PIBF1: variants seen among roughly 807,000 people sequenced by gnomAD.
PIBF1 encodes progesterone-induced-blocking factor 1.
A neutral mutation model predicts 112.5 loss-of-function variants in PIBF1; 90 were observed. The ratio of observed to expected loss-of-function variants is 0.80; its 90% confidence interval spans 0.67 to 0.95. The LOEUF (loss-of-function observed/expected upper bound fraction) is 0.95, where lower values mean the gene tolerates loss of function less well. Among genes scored for constraint, PIBF1 ranks in the 40% least tolerant of loss-of-function variants. The pLI, the probability that PIBF1 is intolerant of heterozygous loss-of-function variation, is 0.00. For synonymous variants in PIBF1, 301 were observed against 288.6 expected (o/e 1.04, Z -0.44); for missense variants, 915 against 852.3 (o/e 1.07, Z -0.92).
At chr13:72,962,462 G>T (rs1355044477) in intron 14 of PIBF1, among the ~76,000 whole-genome samples, 1 of 152,036 alleles carries the variant, frequency 6.6e-6, no homozygotes, top group East Asian at 1.9e-4. Flanking sequence ...AGCCGGGCAT[G>T]GTGGCTCATG....
At chr13:72,900,407 A>G (rs1254837632) in intron 11 of PIBF1, among the ~76,000 whole-genome samples, 3 of 152,220 alleles carry the variant, frequency 2.0e-5, no homozygotes, top group Admixed American at 6.5e-5. Flanking sequence ...AAATAGGCAC[A>G]TAGACCAATG....
chr13:72,825,216 G>A (rs1344143364), intron 6 of PIBF1, among the ~76,000 whole-genome samples: 1 of 152,130 alleles, frequency 6.6e-6, no homozygotes, highest in Non-Finnish European at 1.5e-5. Context: ...TTGGGAGACA[G>A]TTGACAAAAT....
Position 72,795,574 on chromosome 13 carries a change from T to A in PIBF1, c.552+17T>A. 1 of 1,375,930 alleles carries A rather than the reference T, an allele frequency of 7.3e-7. No individual in the cohort carries two copies. Among genetic ancestry groups the A allele is most frequent in the Non-Finnish European group, 1.0e-6 (1 of 985,050 alleles). 85.2% of individuals were successfully genotyped at this position (1,375,930 alleles called of 1,614,324 possible). On this transcript the variant is annotated intron_variant, in intron 4 of 17. Coordinates refer to ENST00000326291, the MANE Select transcript of PIBF1 (RefSeq NM_006346.4). ...TATGTATCTGTAAGTATCTTATATC[T>A]ATTTTTAACTATGACATATATTTTC... is the stretch of plus-strand genomic sequence containing the variant.
At chr13:72,934,691 C>G (rs1031627442) in intron 14 of PIBF1, among the ~76,000 whole-genome samples, 1 of 151,958 alleles carries the variant, frequency 6.6e-6, no homozygotes, top group Non-Finnish European at 1.5e-5. Flanking sequence ...CTAAGTAATA[C>G]CCAAAATAAA....
At chr13:72,823,845 T>C (rs906214384) in intron 6 of PIBF1, among the ~76,000 whole-genome samples, 3 of 152,158 alleles carry the variant, frequency 2.0e-5, no homozygotes, top group Admixed American at 1.3e-4. Context: ...TTGCCTCAGC[T>C]CTTTGTCTAA....
chr13:72,809,881 G>A (rs139858362), intron 5 of PIBF1, among the ~76,000 whole-genome samples: 2 of 152,076 alleles, frequency 1.3e-5, no homozygotes. Flanking sequence ...GAGCCACTGC[G>A]CTTGGCCAGA....
At position 72,987,848 on chromosome 13, in the gene PIBF1, TTATTTATTTA is replaced by T. The variant is rs1289998844; in HGVS notation, c.2050-10972_2050-10963del. On this transcript the variant is annotated intron_variant, in intron 16 of 17. Coordinates refer to ENST00000326291, the MANE Select transcript of PIBF1 (RefSeq NM_006346.4). ...TTTTTATTTTTTGTAATTTATTTATTTATTTATTTATTTTTTTTTTTTTTTTTTTTTTTGA... is the reference window on the plus strand; with the variant it reads ...TTTTTATTTTTTGTAATTTATTTATTTTTTTTTTTTTTTTTTTTTTTTTGA... 4.3e-3 allele frequency among the ~76,000 whole-genome samples: 373 copies of T among 87,338 alleles called. 12 individuals are homozygous for T. Among genetic ancestry groups the T allele is most frequent in the Admixed American group, 6.7e-3 (42 of 6,292 alleles). The allele number at this position is 87,338 out of a possible 152,430, so 57.3% of individuals were successfully genotyped here.
At chr13:72,820,483 G>A (rs181792926) in intron 5 of PIBF1, among the ~76,000 whole-genome samples, 25 of 152,232 alleles carry the variant, frequency 1.6e-4, no homozygotes, top group Admixed American at 1.4e-3. Context: ...AAACTTCAGC[G>A]TAGAACAAGA....
intron 14 of PIBF1, among the ~76,000 whole-genome samples, chr13:72,940,313 T>A (rs887720944): frequency 1.3e-5 from 2 of 152,246 alleles, no homozygotes; most frequent in South Asian, 2.1e-4. Context: ...TCAATCCAGT[T>A]TTTATCTCAG....
chr13:72,942,456 GT>G (rs2042039526), intron 14 of PIBF1, among the ~76,000 whole-genome samples: 1 of 151,890 alleles, frequency 6.6e-6, no homozygotes, highest in South Asian at 2.1e-4. Flanking sequence ...TTTTTCTTCT[GT>G]TTCAATGCCG....
chr13:73,008,195 C>T (rs1046119259), intron 17 of PIBF1, among the ~76,000 whole-genome samples: 1 of 152,050 alleles, frequency 6.6e-6, no homozygotes, highest in Non-Finnish European at 1.5e-5. Context: ...GTTCACCAAT[C>T]GAAGGATTGA....
At chr13:72,962,433 T>TA (rs948671169) in intron 14 of PIBF1, among the ~76,000 whole-genome samples, 1 of 151,850 alleles carries the variant, frequency 6.6e-6, no homozygotes, top group Non-Finnish European at 1.5e-5. Flanking sequence ...TCTGTCTCTA[T>TA]AAAAAATAAA....
At chr13:72,900,306 G>A (rs150781089) in intron 11 of PIBF1, among the ~76,000 whole-genome samples, 5,174 of 152,164 alleles carry the variant, frequency 0.034, 160 homozygotes, top group African/African-American at 0.079. Flanking sequence ...GCAAGACTAA[G>A]CAAAAAGAAC....
intron 17 of PIBF1, among the ~76,000 whole-genome samples, chr13:73,007,130 G>C (rs929338999): frequency 1.2e-4 from 18 of 151,404 alleles, no homozygotes; most frequent in Admixed American, 6.6e-5. Context: ...TCAGTTAAAT[G>C]GTTAATCCCA....
intron 9 of PIBF1, among the ~76,000 whole-genome samples, chr13:72,848,622 G>A (rs1157228460): frequency 2.0e-5 from 3 of 152,086 alleles, no homozygotes; most frequent in East Asian, 1.9e-4. Context: ...GAGGCGGGCG[G>A]ATCACGAGGT....
chr13:72,875,844 G>A (rs749391686), intron 10 of PIBF1, among the ~76,000 whole-genome samples: 94 of 152,084 alleles, frequency 6.2e-4, no homozygotes, highest in Admixed American at 1.2e-3. Context: ...ACAACCCTTC[G>A]TGAGATAAGT....
At chr13:72,959,951 A>T (rs1246328034) in intron 14 of PIBF1, among the ~76,000 whole-genome samples, 1 of 152,308 alleles carries the variant, frequency 6.6e-6, no homozygotes, top group African/African-American at 2.4e-5. Flanking sequence ...TTGAATAGTA[A>T]TTATTATAGG....
In PIBF1 at chr13:72,950,925, G is replaced by A. The variant is rs147916478; in HGVS notation, c.1834-14349G>A. ...CCTGCCTGTAGTTCCCAGCCCACTGGGCATGTAGGAGGCTCAAAGTGAGTG... is the reference window on the plus strand; with the variant it reads ...CCTGCCTGTAGTTCCCAGCCCACTGAGCATGTAGGAGGCTCAAAGTGAGTG... On this transcript the variant is annotated intron_variant, in intron 14 of 17. Transcript: ENST00000326291. 2.3e-3 allele frequency among the ~76,000 whole-genome samples: 343 copies of A among 151,226 alleles called. 2 individuals are homozygous for A. Among genetic ancestry groups the A allele is most frequent in the Non-Finnish European group, 3.9e-3 (268 of 67,986 alleles).
chr13:72,992,901 G>T (rs1256922528), intron 16 of PIBF1, among the ~76,000 whole-genome samples: 3 of 152,064 alleles, frequency 2.0e-5, no homozygotes, highest in African/African-American at 7.2e-5. Flanking sequence ...TCAGAAACTG[G>T]AAGAAAAAGC....
Sources: allele counts gnomAD v4.1 joint callset (sites outside exome capture counted in the v4.1 genomes callset), GRCh38; gene constraint gnomAD v4.1.1; transcripts MANE v1.5; gene names NCBI Gene and HGNC (gene_info 2026-07-23, HGNC 2026-07-21).